The following EEPD1 variants were observed in gnomAD, a reference collection of about 807,000 sequenced individuals.
The protein encoded by EEPD1 is endonuclease/exonuclease/phosphatase family domain containing 1.
A neutral mutation model predicts 46.3 loss-of-function variants in EEPD1; 17 were observed. That is an observed-to-expected ratio of 0.37 (90% confidence interval 0.25 to 0.55). EEPD1 has a LOEUF of 0.55. EEPD1 is among the 20% of genes least tolerant of loss of function. The probability of loss-of-function intolerance (pLI) is 0.83; values close to 1 mark genes in which losing one functional copy is unlikely to be tolerated. For missense variants in EEPD1, 673 were observed against 745.6 expected (o/e 0.90, Z 1.13); for synonymous variants, 313 against 315.6 (o/e 0.99, Z 0.09).
intron 3 of EEPD1, among the ~76,000 whole-genome samples, chr7:36,239,476 A>G (rs187937690): frequency 2.0e-5 from 3 of 152,214 alleles, no homozygotes; most frequent in East Asian, 1.9e-4. Context: ...TGAACTAAGT[A>G]GAGGAGTGAT....
intron 2 of EEPD1, among the ~76,000 whole-genome samples, chr7:36,212,308 C>T (rs1785949161): frequency 6.6e-6 from 1 of 151,908 alleles, no homozygotes; most frequent in African/African-American, 2.4e-5. Flanking sequence ...TTCTGTCACA[C>T]AGTTTGAAGA....
chr7:36,293,669 A>C (rs1396283260), intron 6 of EEPD1, among the ~76,000 whole-genome samples: 1 of 152,228 alleles, frequency 6.6e-6, no homozygotes, highest in Non-Finnish European at 1.5e-5. Flanking sequence ...CATTTTAAAA[A>C]GAAAAAATGT....
chr7:36,261,877 T>TA (rs1302060875), intron 3 of EEPD1, among the ~76,000 whole-genome samples: 2 of 152,224 alleles, frequency 1.3e-5, no homozygotes, highest in African/African-American at 4.8e-5. Context: ...TTGGAATGAG[T>TA]AATTCCTACA....
At chr7:36,268,680 A>G (rs1301823100) in intron 3 of EEPD1, among the ~76,000 whole-genome samples, 1 of 152,134 alleles carries the variant, frequency 6.6e-6, no homozygotes, top group Non-Finnish European at 1.5e-5. Context: ...GGAATGTCGA[A>G]GGGGGATCTG....
At chr7:36,179,968 C>A (rs1338320755) in intron 2 of EEPD1, among the ~76,000 whole-genome samples, 3 of 152,142 alleles carry the variant, frequency 2.0e-5, no homozygotes, top group African/African-American at 7.2e-5. Flanking sequence ...CTTCACTGCC[C>A]TGAGTGGGGC....
At chr7:36,251,502 G>A (rs1028386166) in intron 3 of EEPD1, among the ~76,000 whole-genome samples, 4 of 152,210 alleles carry the variant, frequency 2.6e-5, no homozygotes, top group African/African-American at 4.8e-5. Context: ...TAGAGACGGA[G>A]TTTCTCCATG....
chr7:36,263,764 G>A (rs1410253972), intron 3 of EEPD1, among the ~76,000 whole-genome samples: 1 of 152,172 alleles, frequency 6.6e-6, no homozygotes, highest in Non-Finnish European at 1.5e-5. Flanking sequence ...CCTCTAGCAG[G>A]TAAGTTCTGT....
At chr7:36,230,570 C>T (rs941642737) in intron 2 of EEPD1, among the ~76,000 whole-genome samples, 5 of 152,184 alleles carry the variant, frequency 3.3e-5, no homozygotes, top group African/African-American at 1.2e-4. Flanking sequence ...GCCACCCTAC[C>T]TGGAATGCTC....
intron 2 of EEPD1, among the ~76,000 whole-genome samples, chr7:36,176,022 C>T (rs1018476696): frequency 5.3e-5 from 8 of 152,148 alleles, no homozygotes; most frequent in South Asian, 2.1e-4. Flanking sequence ...CTGAGTGAGC[C>T]GTGTGAGTAG....
At chr7:36,195,742 G>C (rs988205539) in intron 2 of EEPD1, among the ~76,000 whole-genome samples, 6 of 152,168 alleles carry the variant, frequency 3.9e-5, no homozygotes, top group African/African-American at 1.4e-4. Context: ...ACTGAGAGTA[G>C]ATTATAAGTG....
At chr7:36,236,714 C>T (rs1222492063) in intron 2 of EEPD1, among the ~76,000 whole-genome samples, 1 of 152,142 alleles carries the variant, frequency 6.6e-6, no homozygotes, top group Non-Finnish European at 1.5e-5. Flanking sequence ...ACTTGGAGAA[C>T]TTTTCTGTCT....
chr7:36,156,706 T>C (rs892717025), intron 2 of EEPD1, among the ~76,000 whole-genome samples: 5 of 152,152 alleles, frequency 3.3e-5, no homozygotes, highest in African/African-American at 1.2e-4. Context: ...GTTTCTAAAG[T>C]GTGGTCCCCC....
chr7:36,163,058 C>G (rs1292859742), intron 2 of EEPD1, among the ~76,000 whole-genome samples: 1 of 152,020 alleles, frequency 6.6e-6, no homozygotes, highest in African/African-American at 2.4e-5. Context: ...TTAAAAAAAA[C>G]ACTTCTCTAG....
At chr7:36,258,577 G>T (rs1023547788) in intron 3 of EEPD1, among the ~76,000 whole-genome samples, 1 of 152,204 alleles carries the variant, frequency 6.6e-6, no homozygotes, top group Admixed American at 6.5e-5. Context: ...TTGCAGAGCT[G>T]CAGTGAGCTC....
intron 2 of EEPD1, among the ~76,000 whole-genome samples, chr7:36,173,115 C>G (rs1785117908): frequency 6.6e-6 from 1 of 152,028 alleles, no homozygotes; most frequent in African/African-American, 2.4e-5. Flanking sequence ...ACTGTAATCT[C>G]CACATGTCAA....
At chr7:36,279,521 T>TA (rs1787230146) in intron 3 of EEPD1, among the ~76,000 whole-genome samples, 2 of 152,198 alleles carry the variant, frequency 1.3e-5, no homozygotes, top group Non-Finnish European at 2.9e-5. Context: ...ACCAGACCTT[T>TA]AGACCCTGGC....
chr7:36,234,212 C>T (rs2115771873), intron 2 of EEPD1, among the ~76,000 whole-genome samples: 1 of 152,242 alleles, frequency 6.6e-6, no homozygotes, highest in South Asian at 2.1e-4. Context: ...AGCCACTGTG[C>T]CCGGCCTGAT....
intron 3 of EEPD1, among the ~76,000 whole-genome samples, chr7:36,273,039 C>G (rs1787134647): frequency 6.6e-6 from 1 of 152,028 alleles, no homozygotes; most frequent in East Asian, 1.9e-4. Flanking sequence ...CCTATGTGAC[C>G]CGAGGCATCA....
intron 2 of EEPD1, among the ~76,000 whole-genome samples, chr7:36,194,124 G>A (rs766976547): frequency 6.6e-5 from 10 of 152,192 alleles, no homozygotes; most frequent in African/African-American, 1.9e-4. Context: ...CAGAATTCCA[G>A]TTCCATGTGG....
Sources: gnomAD v4.1 joint callset for allele counts (sites outside exome capture counted in the v4.1 genomes callset) on GRCh38, gnomAD v4.1.1 for gene constraint, MANE v1.5 for transcripts, NCBI Gene and HGNC (gene_info 2026-07-23, HGNC 2026-07-21) for gene names.